PSAT1: variants seen among roughly 807,000 people sequenced by gnomAD.
PSAT1 encodes phosphoserine aminotransferase.
PSAT1 carries 41 observed loss-of-function variants against 40.3 expected under a neutral mutation model. That is an observed-to-expected ratio of 1.02 (90% CI 0.79 to 1.32). The LOEUF (loss-of-function observed/expected upper bound fraction) is 1.32, where lower values mean the gene tolerates loss of function less well. Ranked by LOEUF, PSAT1 falls within the 40% of genes most tolerant of loss-of-function variation. The probability of loss-of-function intolerance (pLI) is 0.00; values close to 1 mark genes in which losing one functional copy is unlikely to be tolerated. For missense variants in PSAT1, 406 were observed against 455.8 expected, an observed-to-expected ratio of 0.89 and a Z score of 0.99; for synonymous variants, 147 against 170.5, an observed-to-expected ratio of 0.86 and a Z score of 1.07.
chr9:78,317,010 T>A (rs1828354914), intron 6 of PSAT1, among the ~76,000 whole-genome samples: 1 of 151,664 alleles, frequency 6.6e-6, no homozygotes. Flanking sequence ...TCGCTCTGGG[T>A]AGGGGTGGGA....
intron 1 of PSAT1, among the ~76,000 whole-genome samples, chr9:78,297,713 A>G (rs913771069): frequency 6.6e-6 from 1 of 152,196 alleles, no homozygotes; most frequent in African/African-American, 2.4e-5. Context: ...GAATGGACAT[A>G]GTGTGAATGA....
intron 7 of PSAT1, among the ~76,000 whole-genome samples, chr9:78,318,118 T>A (rs1032651856): frequency 1.3e-5 from 2 of 152,188 alleles, no homozygotes; most frequent in African/African-American, 4.8e-5. Context: ...CTCCTTTGTA[T>A]ATCTTCTGGG....
At chr9:78,316,779 A>AG (rs1201928155) in intron 6 of PSAT1, among the ~76,000 whole-genome samples, 2 of 152,142 alleles carry the variant, frequency 1.3e-5, no homozygotes, top group Non-Finnish European at 2.9e-5. Context: ...CAGGACTGGG[A>AG]GGGGGAGCCC....
intron 5 of PSAT1, among the ~76,000 whole-genome samples, chr9:78,307,705 A>C (rs749425294): frequency 3.9e-5 from 6 of 152,136 alleles, no homozygotes; most frequent in Non-Finnish European, 8.8e-5. Flanking sequence ...TCCCTTTCTC[A>C]GCACCTTCTG....
At chr9:78,318,511 A>T (rs1828381418) in intron 7 of PSAT1, among the ~76,000 whole-genome samples, 1 of 152,150 alleles carries the variant, frequency 6.6e-6, no homozygotes, top group African/African-American at 2.4e-5. Flanking sequence ...GAAGTTCAAA[A>T]TCAAAATGTC....
chr9:78,301,251 C>T (rs1828103021), intron 2 of PSAT1, among the ~76,000 whole-genome samples: 1 of 152,176 alleles, frequency 6.6e-6, no homozygotes, highest in African/African-American at 2.4e-5. Context: ...GATTTAGGAT[C>T]AGAAGATACT....
At chr9:78,308,878 C>T (rs1193158017) in intron 6 of PSAT1, among the ~76,000 whole-genome samples, 3 of 152,136 alleles carry the variant, frequency 2.0e-5, no homozygotes, top group South Asian at 2.1e-4. Flanking sequence ...TCTCTTGAAC[C>T]GGGGAGGTGG....
chr9:78,310,159 G>A lies in PSAT1; in HGVS notation c.740+1576G>A, dbSNP rs114086971. On this transcript the variant is annotated intron_variant, in intron 6 of 8. Coordinates refer to ENST00000376588, the MANE Select transcript of PSAT1 (RefSeq NM_058179.4). ...TCTAGGGCCACTATGATGCAGAATG[G>A]TGATGCTTTATGTGTATGACCGTTT... 7.3e-3 allele frequency among the ~76,000 whole-genome samples: 1,110 copies of A among 152,256 alleles called. 10 individuals are homozygous for A. The highest frequency in any genetic ancestry group is 0.021 in the African/African-American group (888 of 41,526).
chr9:78,327,499 T>C (rs1828518177), intron 7 of PSAT1, among the ~76,000 whole-genome samples: 2 of 152,182 alleles, frequency 1.3e-5, no homozygotes, highest in South Asian at 4.2e-4. Context: ...TTGAGGTAGG[T>C]TCCTCTATTA....
At chr9:78,305,218 G>T (rs758193375) in intron 4 of PSAT1, among the ~76,000 whole-genome samples, 1 of 152,122 alleles carries the variant, frequency 6.6e-6, no homozygotes, top group Non-Finnish European at 1.5e-5. Flanking sequence ...AGGTTCAGGC[G>T]ATTCTCCTGC....
intron 7 of PSAT1, among the ~76,000 whole-genome samples, chr9:78,323,226 C>T (rs1828453300): frequency 6.6e-6 from 1 of 152,024 alleles, no homozygotes; most frequent in African/African-American, 2.4e-5. Flanking sequence ...TGTCATCAGA[C>T]CAAAAGGAGC....
intron 3 of PSAT1, among the ~76,000 whole-genome samples, chr9:78,302,729 G>A (rs1476191690): frequency 6.1e-5 from 5 of 81,918 alleles, no homozygotes; most frequent in South Asian, 5.3e-4. Flanking sequence ...GCGAGACTCC[G>A]TCTCAAAAAA....
intron 7 of PSAT1, 113 bp downstream of exon 7, chr9:78,317,917 C>T (rs1828373032): frequency 7.7e-7 from 1 of 1,298,242 alleles, no homozygotes; most frequent in African/African-American, 1.5e-5. Context: ...CATTAAAATA[C>T]TGGTGAGTGT....
chr9:78,307,662 A>G (rs1419411614), intron 5 of PSAT1, among the ~76,000 whole-genome samples: 1 of 152,204 alleles, frequency 6.6e-6, no homozygotes, highest in Non-Finnish European at 1.5e-5. Context: ...TCCCTCAGGC[A>G]GCTTGTCCCA....
At chr9:78,325,570 C>G (rs902904957) in intron 7 of PSAT1, among the ~76,000 whole-genome samples, 6 of 152,234 alleles carry the variant, frequency 3.9e-5, no homozygotes, top group African/African-American at 7.2e-5. Context: ...GCCTTGTCCC[C>G]TCCCCTGAAA....
Position 78,329,553 on chromosome 9 carries a change from A to C in PSAT1, c.*467A>C, listed in dbSNP as rs1344157884. The C allele has an allele frequency of 7.4e-5, 14 of 189,130 alleles. No homozygotes were observed. Among genetic ancestry groups the C allele is most frequent in the Non-Finnish European group, 1.2e-4 (11 of 90,318 alleles). The allele number at this position is 189,130 out of a possible 1,614,324, so 11.7% of individuals were successfully genotyped here. A position where few individuals can be genotyped will look rare whatever the true frequency, so the allele number is the denominator to read the frequency against. On this transcript the variant is annotated 3_prime_UTR_variant, in exon 9 of 9. Coordinates refer to ENST00000376588, the MANE Select transcript of PSAT1 (RefSeq NM_058179.4). Reference sequence around the variant, plus strand: ...ACATTGACCATTGGAGGAGTGGTTTAAGAGTGCCAGGCGAAGGGCAAACTG... The same window carrying C: ...ACATTGACCATTGGAGGAGTGGTTTCAGAGTGCCAGGCGAAGGGCAAACTG...
Position 78,329,032 on chromosome 9 carries a change from C to T in PSAT1, c.1059C>T (p.Asp353=), listed in dbSNP as rs115639310. 824 of 1,613,348 alleles carry T rather than the reference C, an allele frequency of 5.1e-4. 12 individuals are homozygous for T. In the East Asian group the frequency reaches 0.015, roughly 28 times the overall value. The change falls in exon 9 of 9, where the codon GAC becomes GAT. Residue 353 remains aspartate (D), a synonymous_variant. Coordinates refer to ENST00000376588, the MANE Select transcript of PSAT1 (RefSeq NM_058179.4). ...TGTATAATGCTGTCACAATTGAAGACGTTCAGAAGCTGGCCGCCTTCATGA... is the reference window on the plus strand; with the variant it reads ...TGTATAATGCTGTCACAATTGAAGATGTTCAGAAGCTGGCCGCCTTCATGA... ...ASLYNAVTIE[D]VQKLAAFMKK... is the part of the protein sequence containing the mutation.
At chr9:78,305,553 C>T (rs1256522357) in intron 4 of PSAT1, among the ~76,000 whole-genome samples, 1 of 152,182 alleles carries the variant, frequency 6.6e-6, no homozygotes, top group East Asian at 1.9e-4. Flanking sequence ...GACCTGGTGG[C>T]TCCACAGGCA....
In PSAT1 at chr9:78,299,756, C is replaced by T. The variant is rs886781346; in HGVS notation, c.61-846C>T. On this transcript the variant is annotated intron_variant, in intron 1 of 8. Transcript: ENST00000376588. ...TCAATCTCTTGACCTCATGATCTGCCCGCCTTGGCCTCCCAAAGTGCTGGG... is the reference window on the plus strand; with the variant it reads ...TCAATCTCTTGACCTCATGATCTGCTCGCCTTGGCCTCCCAAAGTGCTGGG... Among the ~76,000 whole-genome samples, 63 of 152,142 alleles carry T rather than the reference C, an allele frequency of 4.1e-4. 1 individual carries two copies. Among genetic ancestry groups the T allele is most frequent in the Admixed American group, 2.7e-3 (41 of 15,292 alleles).
Sources: gnomAD v4.1 joint callset for allele counts (sites outside exome capture counted in the v4.1 genomes callset) on GRCh38, gnomAD v4.1.1 for gene constraint, MANE v1.5 for transcripts, NCBI Gene and HGNC (gene_info 2026-07-23, HGNC 2026-07-21) for gene names.